ABCB1: variants seen among roughly 807,000 people sequenced by gnomAD.
ABCB1 encodes ATP-dependent translocase ABCB1.
ABCB1 carries 69 observed loss-of-function variants against 142.0 expected under a neutral mutation model. That is an observed-to-expected ratio of 0.49 (90% CI 0.40 to 0.59). The LOEUF (loss-of-function observed/expected upper bound fraction) is 0.59, where lower values mean the gene tolerates loss of function less well. Among genes scored for constraint, ABCB1 ranks in the 20% least tolerant of loss-of-function variants. ABCB1 has a pLI of 0.00. For missense variants in ABCB1, 1,326 were observed against 1,554.7 expected (o/e 0.85, Z 2.47); for synonymous variants, 532 against 539.2 (o/e 0.99, Z 0.18).
intron 1 of ABCB1, among the ~76,000 whole-genome samples, chr7:87,663,651 A>G (rs1014510697): frequency 1.3e-5 from 2 of 152,146 alleles, no homozygotes; most frequent in African/African-American, 2.4e-5. Flanking sequence ...TGAACTTAGG[A>G]TGTTAGACAA....
intron 1 of ABCB1, chr7:87,709,321 C>T: frequency 1.0e-6 from 1 of 985,142 alleles, no homozygotes; most frequent in African/African-American, 1.7e-5. Flanking sequence ...ATTCAAGACA[C>T]CGCTACTAGT....
Position 87,585,681 on chromosome 7 carries a change from C to A in ABCB1, c.118-1G>T. On this transcript the variant is annotated splice_acceptor_variant, in intron 3 of 27. Transcript: ENST00000622132. LOFTEE classifies it high-confidence loss of function. ...TGTCAAGCCAATTTGAATAGCGAAA[C>A]TAAAAAGAGAGAAAAAAGAATAGCA... is the stretch of plus-strand genomic sequence containing the variant. 1 of 1,613,260 alleles carries A rather than the reference C, an allele frequency of 6.2e-7. No individual in the cohort carries two copies. The highest frequency in any genetic ancestry group is 8.5e-7 in the Non-Finnish European group (1 of 1,179,780).
Position 87,505,986 on chromosome 7 carries a change from G to C in ABCB1, c.3547C>G (p.Arg1183Gly). Residue 1183 changes from arginine (R) to glycine (G), a missense_variant, in exon 27 of 28, where the codon CGC becomes GGC. Transcript: ENST00000622132. ...GTQLSGGQKQ[R>G]IAIARALVRQ... ...ACAAGGGCACGAGCTATGGCAATGCGTTGTTTCTGGCCACCAGAGAGCTGA... is the reference window on the plus strand; with the variant it reads ...ACAAGGGCACGAGCTATGGCAATGCCTTGTTTCTGGCCACCAGAGAGCTGA... 6.2e-7 allele frequency: 1 copy of C among 1,614,032 alleles called. No homozygotes were observed. Among genetic ancestry groups the C allele is most frequent in the Non-Finnish European group, 8.5e-7 (1 of 1,179,920 alleles).
intron 1 of ABCB1, among the ~76,000 whole-genome samples, chr7:87,658,060 A>T (rs887692973): frequency 2.0e-5 from 3 of 152,220 alleles, no homozygotes; most frequent in Admixed American, 6.5e-5. Context: ...ATAATAAAAG[A>T]TAGTCAATAG....
chr7:87,584,393 G>A (rs963159306), intron 4 of ABCB1, among the ~76,000 whole-genome samples: 6 of 152,126 alleles, frequency 3.9e-5, no homozygotes, highest in Admixed American at 1.3e-4. Context: ...TTTCAAGTAC[G>A]TTATCAAACA....
Position 87,547,885 on chromosome 7 carries a change from G to A in ABCB1, c.1725+1463C>T, listed in dbSNP as rs143422171. On this transcript the variant is annotated intron_variant, in intron 14 of 27. Coordinates refer to ENST00000622132, the MANE Select transcript of ABCB1 (RefSeq NM_001348946.2). ...AAAAAAAAAAAAACCTTGGCATGGT[G>A]GCACACACCTGTGGTCCCAGCTACT... Among the ~76,000 whole-genome samples the A allele has an allele frequency of 5.0e-3, 742 of 148,906 alleles. 6 individuals are homozygous for A. The highest frequency in any genetic ancestry group is 0.018 in the African/African-American group (707 of 40,264).
intron 1 of ABCB1, among the ~76,000 whole-genome samples, chr7:87,689,735 A>G (rs946043420): frequency 2.0e-5 from 3 of 152,108 alleles, no homozygotes; most frequent in Non-Finnish European, 2.9e-5. Flanking sequence ...TCTAATTTCA[A>G]TGAGTTGTCC....
At chr7:87,634,495 G>C (rs1443360007) in intron 1 of ABCB1, among the ~76,000 whole-genome samples, 1 of 29,206 alleles carries the variant, frequency 3.4e-5, no homozygotes, top group Non-Finnish European at 8.3e-5. Context: ...GGTGGGGGGT[G>C]GGGGGGGGGG....
At chr7:87,532,754 A>AT (rs1167771595) in intron 20 of ABCB1, among the ~76,000 whole-genome samples, 3 of 152,080 alleles carry the variant, frequency 2.0e-5, no homozygotes, top group Non-Finnish European at 2.9e-5. Context: ...GCTATTCTTA[A>AT]TTTTTTCACT....
chr7:87,574,930 A>G (rs763067906), intron 4 of ABCB1, among the ~76,000 whole-genome samples: 7 of 152,208 alleles, frequency 4.6e-5, no homozygotes, highest in Non-Finnish European at 1.0e-4. Flanking sequence ...AACCTGTTGT[A>G]TCTGCTATAA....
chr7:87,671,422 C>G lies in ABCB1; in HGVS notation c.-331+41739G>C, dbSNP rs1300995453. Among the ~76,000 whole-genome samples, 3 of 152,166 alleles carry G rather than the reference C, an allele frequency of 2.0e-5. No homozygotes were observed. The East Asian group carries it at 5.8e-4, about 29-fold the overall frequency. On this transcript the variant is annotated intron_variant, in intron 1 of 28. Coordinates refer to the ABCB1 transcript ENST00000265724. ...GGCTGGAGACACAAGCCTGGAAGAC[C>G]TGTCTGGTGAGGAGATCTGAGAATG...
chr7:87,509,324 C>G lies in ABCB1; in HGVS notation c.3440G>C (p.Arg1147Thr), dbSNP rs1482837611. 2 of 1,614,154 alleles carry G rather than the reference C, an allele frequency of 1.2e-6. No homozygotes were observed. Among genetic ancestry groups the G allele is most frequent in the Non-Finnish European group, 1.7e-6 (2 of 1,180,030 alleles). The stretch of plus-strand genomic sequence containing the variant: ...ATGTATGTTGGCCTCCTTTGCTGCC[C>G]TCACAATCTCTTCCTGTGACACCAC... ...SRVVSQEEIV[R>T]AAKEANIHAF... The change falls in exon 26 of 28, where the codon AGG becomes ACG. Residue 1147 changes from arginine to threonine, a missense_variant. Transcript: ENST00000622132.
intron 1 of ABCB1, among the ~76,000 whole-genome samples, chr7:87,673,106 C>T (rs539883966): frequency 2.6e-5 from 4 of 152,274 alleles, no homozygotes; most frequent in South Asian, 2.1e-4. Flanking sequence ...ATCGGGTTCC[C>T]TTTGTAGGTG....
At chr7:87,667,260 A>G (rs1825350676) in intron 1 of ABCB1, among the ~76,000 whole-genome samples, 1 of 151,954 alleles carries the variant, frequency 6.6e-6, no homozygotes, top group Non-Finnish European at 1.5e-5. Flanking sequence ...TGTGAGTGGG[A>G]TTGCCATTCT....
intron 1 of ABCB1, among the ~76,000 whole-genome samples, chr7:87,678,757 T>C (rs574219440): frequency 1.6e-4 from 25 of 151,528 alleles, no homozygotes; most frequent in Non-Finnish European, 3.1e-4. Flanking sequence ...CAGAAAGTAA[T>C]TGAAAAAAAG....
intron 1 of ABCB1, among the ~76,000 whole-genome samples, chr7:87,698,989 A>G (rs1395942100): frequency 6.6e-6 from 1 of 152,186 alleles, no homozygotes; most frequent in African/African-American, 2.4e-5. Flanking sequence ...AAAAATTCAA[A>G]TGCTTACATC....
intron 1 of ABCB1, among the ~76,000 whole-genome samples, chr7:87,641,439 T>G (rs1412901503): frequency 6.6e-6 from 1 of 152,196 alleles, no homozygotes; most frequent in Non-Finnish European, 1.5e-5. Context: ...TGGTTAGTCT[T>G]GAACAACCTA....
intron 25 of ABCB1, among the ~76,000 whole-genome samples, chr7:87,510,922 A>G (rs1032021531): frequency 1.1e-4 from 16 of 152,172 alleles, no homozygotes; most frequent in Admixed American, 3.9e-4. Context: ...GTTAGATAAA[A>G]CACTGTACTT....
chr7:87,678,096 A>G (rs752007641), intron 1 of ABCB1, among the ~76,000 whole-genome samples: 11 of 152,238 alleles, frequency 7.2e-5, no homozygotes, highest in Non-Finnish European at 1.3e-4. Context: ...TTGGAACTTC[A>G]TGAATGAAGA....
Sources: allele counts gnomAD v4.1 joint callset (sites outside exome capture counted in the v4.1 genomes callset), GRCh38; gene constraint gnomAD v4.1.1; transcripts MANE v1.5; gene names NCBI Gene and HGNC (gene_info 2026-07-23, HGNC 2026-07-21).